MMD2: variants seen among roughly 807,000 people sequenced by gnomAD.
The protein encoded by MMD2 is monocyte to macrophage differentiation associated 2, also known as monocyte to macrophage differentiation factor 2.
MMD2 carries 30 observed loss-of-function variants against 33.5 expected under a neutral mutation model. The observed-to-expected ratio is 0.90, with a 90% confidence interval of 0.67 to 1.22. The LOEUF (loss-of-function observed/expected upper bound fraction) is 1.22. Among genes scored for constraint, MMD2 ranks in the 50% most tolerant of loss-of-function variants. The pLI is 0.00. For synonymous variants in MMD2, 129 were observed against 123.0 expected (o/e 1.05, Z -0.32); for missense variants, 364 against 325.4 (o/e 1.12, Z -0.91).
chr7:4,957,841 G>A (rs540270833), intron 1 of MMD2, among the ~76,000 whole-genome samples: 9 of 152,236 alleles, frequency 5.9e-5, no homozygotes, highest in Admixed American at 1.3e-4. Flanking sequence ...GAAGGGTTCC[G>A]TCCTGTCCGC....
chr7:4,929,560 T>C (rs1337565960), intron 1 of MMD2, among the ~76,000 whole-genome samples: 6 of 151,772 alleles, frequency 4.0e-5, no homozygotes, highest in Non-Finnish European at 7.4e-5. Context: ...AGTCTTGCTC[T>C]GTCGCCCAGG....
At chr7:4,920,731 T>C (rs1391802243) in intron 2 of MMD2, among the ~76,000 whole-genome samples, 2 of 116,412 alleles carry the variant, frequency 1.7e-5, no homozygotes, top group East Asian at 5.9e-4. Context: ...CCTCCCTTTC[T>C]CTCTTCCGTC....
rs545145477 is a variant in MMD2, at chr7:4,929,435, G to A, written c.48-3903C>T. Among the ~76,000 whole-genome samples the A allele has an allele frequency of 3.2e-4, 49 of 152,158 alleles. No individual in the cohort carries two copies. In the Middle Eastern group the frequency reaches 0.017, roughly 53 times the overall value. On this transcript the variant is annotated intron_variant, in intron 1 of 6. Transcript: ENST00000401401. ...CCCCCCCAGGAGCCCAGAACACGCC[G>A]CCCATCCACCCACCTTCCTCAAGGT...
chr7:4,904,844 C>A (rs1484165643), downstream of MMD2, among the ~76,000 whole-genome samples: 1 of 152,142 alleles, frequency 6.6e-6, no homozygotes, highest in Non-Finnish European at 1.5e-5. Flanking sequence ...GGCCTGGGAC[C>A]AGTGCAAGTA....
chr7:4,940,777 C>T lies in MMD2; in HGVS notation c.48-15245G>A, dbSNP rs910644651. 6.6e-6 allele frequency among the ~76,000 whole-genome samples: 1 copy of T among 152,100 alleles called. No individual in the cohort carries two copies. Among genetic ancestry groups the T allele is most frequent in the Non-Finnish European group, 1.5e-5 (1 of 68,008 alleles). ...GTGGAAGGGGCCCGGGCTTGCATCT[C>T]GTGCCAGAGGCGCGGGACTCTGGCA... On this transcript the variant is annotated intron_variant, in intron 1 of 6. Transcript: ENST00000401401. This position sits in a 1 kb window ranked among gnomAD's most constrained non-coding sequence, Gnocchi z 5.0.
chr7:4,922,407 T>C (rs1047547975), intron 2 of MMD2, among the ~76,000 whole-genome samples: 2 of 151,858 alleles, frequency 1.3e-5, no homozygotes, highest in African/African-American at 4.8e-5. Flanking sequence ...CCATCTCTAC[T>C]AAAAATACAA....
intron 1 of MMD2, among the ~76,000 whole-genome samples, chr7:4,936,516 AT>A (rs1378392928): frequency 2.6e-5 from 4 of 152,098 alleles, no homozygotes. Context: ...TTGTATTCAA[AT>A]TTTACTCATG....
At position 4,940,665 on chromosome 7, in the gene MMD2, C is replaced by T. The variant is rs1785883459; in HGVS notation, c.48-15133G>A. Among the ~76,000 whole-genome samples, 2 of 152,208 alleles carry T rather than the reference C, an allele frequency of 1.3e-5. No individual in the cohort carries two copies. The highest frequency in any genetic ancestry group is 4.8e-5 in the African/African-American group (2 of 41,456). On this transcript the variant is annotated intron_variant, in intron 1 of 6. Coordinates refer to ENST00000401401, the MANE Select transcript of MMD2 (RefSeq NM_198403.4). This position sits in a 1 kb window ranked among gnomAD's most constrained non-coding sequence, Gnocchi z 5.0. ...TTGGCTCAGTCTTTGGGAAACAGTC[C>T]TTGGGCCGGTGCCACCTGGGAATGG...
intron 1 of MMD2, among the ~76,000 whole-genome samples, chr7:4,932,957 T>C (rs540751862): frequency 3.3e-5 from 5 of 151,276 alleles, no homozygotes; most frequent in Non-Finnish European, 5.9e-5. Flanking sequence ...ATGTCACCTA[T>C]GTGGAGTCAT....
intron 1 of MMD2, among the ~76,000 whole-genome samples, chr7:4,935,387 C>T (rs564445292): frequency 6.6e-6 from 1 of 151,604 alleles, no homozygotes; most frequent in Admixed American, 6.6e-5. Context: ...GGGCTCCACA[C>T]CCAGAGATTT....
intron 4 of MMD2, among the ~76,000 whole-genome samples, chr7:4,914,705 C>G (rs775863350): frequency 6.6e-5 from 10 of 152,088 alleles, no homozygotes; most frequent in Non-Finnish European, 1.2e-4. Flanking sequence ...CCGAGGCAGG[C>G]AGATCACCTG....
At chr7:4,911,012 G>A in intron 5 of MMD2, 133 bp downstream of exon 5, 1 of 749,500 alleles carries the variant, frequency 1.3e-6, no homozygotes. Context: ...CCATGAGCCT[G>A]AATGACGTGA....
At chr7:4,916,994 C>A (rs1305589675) in intron 3 of MMD2, among the ~76,000 whole-genome samples, 2 of 152,024 alleles carry the variant, frequency 1.3e-5, no homozygotes, top group Non-Finnish European at 2.9e-5. Flanking sequence ...ATCTCTTGAC[C>A]CTGGGAGGTG....
chr7:4,914,478 T>C (rs966677440), intron 4 of MMD2, among the ~76,000 whole-genome samples: 1 of 152,218 alleles, frequency 6.6e-6, no homozygotes, highest in Non-Finnish European at 1.5e-5. Flanking sequence ...CCTGTTTATG[T>C]AAAACCTTCA....
chr7:4,941,501 G>A (rs1420049135), intron 1 of MMD2, among the ~76,000 whole-genome samples: 6 of 151,900 alleles, frequency 3.9e-5, no homozygotes, highest in African/African-American at 2.4e-5. Context: ...GTGGTGGCGG[G>A]TGCCTGTAAT....
chr7:4,929,825 G>C lies in MMD2; in HGVS notation c.48-4293C>G, dbSNP rs146092412. On this transcript the variant is annotated intron_variant, in intron 1 of 6. Transcript: ENST00000401401. ...GGCGTGAGCCACTGTGCCCAGCCAA[G>C]ACTGGCTTATTAACTAATAAGTAAT... Among the ~76,000 whole-genome samples the C allele has an allele frequency of 3.3e-3, 498 of 152,208 alleles. 2 individuals are homozygous for C. The highest frequency in any genetic ancestry group is 0.011 in the African/African-American group (460 of 41,528).
intron 5 of MMD2, 138 bp from the exon 6 acceptor site, chr7:4,910,088 G>A (rs754467810): frequency 1.3e-5 from 21 of 1,577,266 alleles, no homozygotes; most frequent in Non-Finnish European, 1.6e-5. Flanking sequence ...TGTCCAGCAC[G>A]CCTTGGCTCA....
intron 1 of MMD2, among the ~76,000 whole-genome samples, chr7:4,926,096 A>T (rs1427807651): frequency 1.3e-5 from 2 of 149,778 alleles, no homozygotes; most frequent in Admixed American, 6.6e-5. Flanking sequence ...GTGAGATACC[A>T]CGCCGGGCTT....
chr7:4,911,319 G>T, intron 4 of MMD2, 73 bp from the exon 5 acceptor site: 2 of 1,274,094 alleles, frequency 1.6e-6, no homozygotes, highest in African/African-American at 1.5e-5. Flanking sequence ...GGACCGGCCT[G>T]TCACAGGAAA....
Sources: allele counts gnomAD v4.1 joint callset (sites outside exome capture counted in the v4.1 genomes callset), GRCh38; gene constraint gnomAD v4.1.1; non-coding constraint Gnocchi (gnomAD v3.1); transcripts MANE v1.5; gene names NCBI Gene and HGNC (gene_info 2026-07-23, HGNC 2026-07-21).